Variants in ENTPD4 observed in about 807,000 individuals in gnomAD.
ENTPD4 encodes ectonucleoside triphosphate diphosphohydrolase 4.
A neutral mutation model predicts 79.1 loss-of-function variants in ENTPD4; 60 were observed. The observed-to-expected ratio is 0.76, with a 90% CI of 0.62 to 0.94. ENTPD4 has a LOEUF of 0.94. Ranked by LOEUF, ENTPD4 falls within the 40% of genes least tolerant of loss-of-function variation. The pLI is 0.00. For missense variants in ENTPD4, 772 were observed against 775.1 expected, an observed-to-expected ratio of 1.00 and a Z score of 0.05; for synonymous variants, 276 against 292.0, an observed-to-expected ratio of 0.95 and a Z score of 0.56.
At position 23,429,564 on chromosome 8, in the gene ENTPD4, T is replaced by C. The variant is rs546702843; in HGVS notation, c.*3362A>G. ...AAGGATGAAAAACTCATTTGCCATT[T>C]TTAGTTTCTTGCTAAGTGATACATG... On this transcript the variant is annotated 3_prime_UTR_variant, in exon 13 of 13. Coordinates refer to ENST00000358689, the MANE Select transcript of ENTPD4 (RefSeq NM_004901.5). The C allele has an allele frequency of 1.1e-4, 110 of 985,324 alleles. No homozygotes were observed. Among genetic ancestry groups the C allele is most frequent in the Non-Finnish European group, 1.3e-4 (110 of 829,912 alleles). 61.0% of individuals were successfully genotyped at this position (985,324 alleles called of 1,614,324 possible).
chr8:23,451,808 A>C (rs1486691075), intron 1 of ENTPD4, among the ~76,000 whole-genome samples: 1 of 151,988 alleles, frequency 6.6e-6, no homozygotes, highest in Non-Finnish European at 1.5e-5. Flanking sequence ...TCAGGTCTTT[A>C]CTCAAATAAT....
chr8:23,445,451 G>T (rs1158289358), intron 4 of ENTPD4, among the ~76,000 whole-genome samples: 1 of 152,030 alleles, frequency 6.6e-6, no homozygotes, highest in African/African-American at 2.4e-5. Flanking sequence ...CTCTTCCCAT[G>T]TTCCTTCCAT....
rs1800413667 is a variant in ENTPD4 at position 23,429,177 on chromosome 8, T to C, written c.*3749A>G. Reference sequence around the variant, plus strand: ...CTACGGGCCATGGGATGATGAACTTTCGTTTTATTGATTTTTCAGTACCCA... The same window carrying C: ...CTACGGGCCATGGGATGATGAACTTCCGTTTTATTGATTTTTCAGTACCCA... On this transcript the variant is annotated 3_prime_UTR_variant, in exon 13 of 13. Coordinates refer to ENST00000358689, the MANE Select transcript of ENTPD4 (RefSeq NM_004901.5). The C allele has an allele frequency of 1.0e-6, 1 of 985,466 alleles. No homozygotes were observed. Among genetic ancestry groups the C allele is most frequent in the Non-Finnish European group, 1.2e-6 (1 of 829,930 alleles). The allele number at this position is 985,466 out of a possible 1,614,324, so 61.0% of individuals were successfully genotyped here.
rs201548019 is a variant in ENTPD4 at position 23,434,283 on chromosome 8, T to G, written c.1622+34A>C. 6 of 1,606,330 alleles carry G rather than the reference T, an allele frequency of 3.7e-6. No individual in the cohort carries two copies. The East Asian group carries it at 1.1e-4, about 30-fold the overall frequency. ...GGTGCTGTAACTGCAGAAAAGCATC[T>G]TTTTGATTCTCGTTCCCAAATTCAC... On this transcript the variant is annotated intron_variant, in intron 12 of 12. Transcript: ENST00000358689.
Position 23,447,874 on chromosome 8 carries a change from C to G in ENTPD4, c.218G>C (p.Arg73Pro). The change falls in exon 4 of 13, where the codon CGA becomes CCA. Residue 73 changes from arginine to proline, a missense_variant. Physicochemically the swap from Arg to Pro is moderately radical, Grantham distance 103. Coordinates refer to ENST00000358689, the MANE Select transcript of ENTPD4 (RefSeq NM_004901.5). ...GTCTGTAGCTTCAATGTCGGTAACTCGTGCCAGGTACCTTGTATAGAAACA... is the reference window on the plus strand; with the variant it reads ...GTCTGTAGCTTCAATGTCGGTAACTGGTGCCAGGTACCTTGTATAGAAACA... ...RDKKFQRYLARVTDIEATDTN... is the reference protein window; with the variant it reads ...RDKKFQRYLAPVTDIEATDTN... The G allele has an allele frequency of 6.2e-7, 1 of 1,614,004 alleles. No individual in the cohort carries two copies. The highest frequency in any genetic ancestry group is 8.5e-7 in the Non-Finnish European group (1 of 1,179,884).
intron 9 of ENTPD4, 28 bp downstream of exon 9, chr8:23,439,721 G>T: frequency 6.2e-7 from 1 of 1,609,174 alleles, no homozygotes; most frequent in South Asian, 1.1e-5. Context: ...GTTTGCAAAT[G>T]ACTGCCAAGT....
At position 23,431,471 on chromosome 8, in the gene ENTPD4, T is replaced by C. The variant is rs771654194; in HGVS notation, c.*1455A>G. On this transcript the variant is annotated 3_prime_UTR_variant, in exon 13 of 13. Coordinates refer to ENST00000358689, the MANE Select transcript of ENTPD4 (RefSeq NM_004901.5). ...TAGGTGAAAAAACACCAATCTCACATATGCCAATCCAATTGTCCTTTTTAG... is the reference window on the plus strand; with the variant it reads ...TAGGTGAAAAAACACCAATCTCACACATGCCAATCCAATTGTCCTTTTTAG... The C allele has an allele frequency of 8.3e-5, 82 of 985,332 alleles. No individual in the cohort carries two copies. The highest frequency in any genetic ancestry group is 9.6e-5 in the Non-Finnish European group (80 of 829,928). The allele number at this position is 985,332 out of a possible 1,614,324, so 61.0% of individuals were successfully genotyped here.
At chr8:23,447,206 T>C (rs887340754) in intron 4 of ENTPD4, among the ~76,000 whole-genome samples, 2 of 152,224 alleles carry the variant, frequency 1.3e-5, no homozygotes, top group African/African-American at 2.4e-5. Flanking sequence ...CTATACATAA[T>C]TATGATTAGC....
chr8:23,441,770 A>G (rs1185833356), intron 7 of ENTPD4, 47 bp from the exon 8 acceptor site: 9 of 1,594,154 alleles, frequency 5.6e-6, no homozygotes, highest in Admixed American at 1.7e-5. Flanking sequence ...AATCCAGAGA[A>G]CTGGGCTCTT....
At position 23,436,961 on chromosome 8, in the gene ENTPD4, A is replaced by C. The variant is rs1360098348; in HGVS notation, c.1347T>G (p.Asn449Lys). Residue 449 changes from asparagine to lysine, a missense_variant, in exon 10 of 13, where the codon AAT becomes AAG. By Grantham distance (94) the Asn-to-Lys change is moderately conservative (BLOSUM62 0). Transcript: ENST00000358689. ...EDVLRMGGDY[N>K]AAKFTKAAKD... ...TTGCAGCTTTAGTAAATTTAGCAGCATTGTAGTCTCCCCCCATTCGTAACA... is the reference window on the plus strand; with the variant it reads ...TTGCAGCTTTAGTAAATTTAGCAGCCTTGTAGTCTCCCCCCATTCGTAACA... 1 of 1,607,346 alleles carries C rather than the reference A, an allele frequency of 6.2e-7. No homozygotes were observed. The highest frequency in any genetic ancestry group is 1.7e-5 in the Admixed American group (1 of 59,168).
intron 1 of ENTPD4, among the ~76,000 whole-genome samples, chr8:23,451,295 C>G (rs1194636559): frequency 1.3e-5 from 2 of 152,180 alleles, no homozygotes; most frequent in Non-Finnish European, 2.9e-5. Context: ...GCTGGGATTA[C>G]AGGCGTGAGC....
rs1341903714 is a variant in ENTPD4, at chr8:23,433,092, T to C, written c.1685A>G (p.Tyr562Cys). ...GCAGCCAGAGAACAGGTAGTGGTTGTAGACAAAGGAAACGCCCCGCCAGTG... is the reference window on the plus strand; with the variant it reads ...GCAGCCAGAGAACAGGTAGTGGTTGCAGACAAAGGAAACGCCCCGCCAGTG... ...HTHWRGVSFV[Y>C]NHYLFSGCFL... The change falls in exon 13 of 13, where the codon TAC becomes TGC. Residue 562 changes from tyrosine to cysteine, a missense_variant. Coordinates refer to ENST00000358689, the MANE Select transcript of ENTPD4 (RefSeq NM_004901.5). 2.5e-6 allele frequency: 4 copies of C among 1,613,948 alleles called. No individual in the cohort carries two copies. Among genetic ancestry groups the C allele is most frequent in the South Asian group, 2.2e-5 (2 of 91,082 alleles).
chr8:23,449,076 T>C lies in ENTPD4; in HGVS notation c.9-137A>G, dbSNP rs183757698. On this transcript the variant is annotated intron_variant, in intron 2 of 12. Coordinates refer to ENST00000358689, the MANE Select transcript of ENTPD4 (RefSeq NM_004901.5). ...TGTAGGTATCTGTATACTGGCATCT[T>C]GCATATGCTACACAACAGCTACAAA... 4.7e-5 allele frequency: 31 copies of C among 654,330 alleles called. No homozygotes were observed. The African/African-American group carries it at 5.3e-4, about 11-fold the overall frequency. The allele number at this position is 654,330 out of a possible 1,614,324, so 40.5% of individuals were successfully genotyped here.
At chr8:23,435,803 A>G (rs1424930257) in intron 10 of ENTPD4, among the ~76,000 whole-genome samples, 2 of 152,246 alleles carry the variant, frequency 1.3e-5, no homozygotes, top group African/African-American at 2.4e-5. Flanking sequence ...GTGAAGCAGT[A>G]TTTTAGCTAC....
chr8:23,434,722 T>C, intron 11 of ENTPD4: 8 of 1,331,264 alleles, frequency 6.0e-6, no homozygotes, highest in Non-Finnish European at 6.7e-6. Flanking sequence ...CTCGGCATAA[T>C]GTCATATATC....
intron 12 of ENTPD4, 35 bp from the exon 13 acceptor site, chr8:23,433,189 G>T: frequency 6.3e-7 from 1 of 1,594,218 alleles, no homozygotes; most frequent in African/African-American, 1.3e-5. Context: ...AAACAGGACA[G>T]TAAGCAAGGA....
chr8:23,449,502 C>T (rs1478836575), intron 2 of ENTPD4, among the ~76,000 whole-genome samples: 1 of 152,196 alleles, frequency 6.6e-6, no homozygotes, highest in Admixed American at 6.5e-5. Context: ...ATTTTAACAA[C>T]ATCCCCATAA....
At position 23,437,246 on chromosome 8, in the gene ENTPD4, T is replaced by C; in HGVS notation, c.1062A>G (p.Lys354=). 6.2e-7 allele frequency: 1 copy of C among 1,600,882 alleles called. No homozygotes were observed. The highest frequency in any genetic ancestry group is 8.5e-7 in the Non-Finnish European group (1 of 1,173,280). The change falls in exon 10 of 13, where the codon AAA becomes AAG. Residue 354 remains lysine, a synonymous_variant. Coordinates refer to ENST00000358689, the MANE Select transcript of ENTPD4 (RefSeq NM_004901.5). ...NTIQKNRLLG[K]QTGLTPDMPY... ...GCATATCAGGAGTCAGACCAGTCTG[T>C]TTACCCAGGAGCCTATGGCAAAACA...
intron 10 of ENTPD4, 74 bp from the exon 11 acceptor site, chr8:23,435,551 A>G: frequency 9.3e-7 from 1 of 1,072,820 alleles, no homozygotes; most frequent in South Asian, 1.3e-5. Context: ...TGGTTTACCA[A>G]ATTTATATTT....
Sources: allele counts gnomAD v4.1 joint callset (sites outside exome capture counted in the v4.1 genomes callset), GRCh38; gene constraint gnomAD v4.1.1; transcripts MANE v1.5; gene names NCBI Gene and HGNC (gene_info 2026-07-23, HGNC 2026-07-21).